Variants in CCDC192 observed in about 807,000 individuals in gnomAD.
CCDC192 encodes the protein coiled-coil domain containing 192, also known as coiled-coil domain-containing protein 192.
At chr5:127,810,778 T>C (rs1230687350) in intron 5 of CCDC192, among the ~76,000 whole-genome samples, 1 of 152,058 alleles carries the variant, frequency 6.6e-6, no homozygotes, top group East Asian at 1.9e-4. Context: ...TAAAATCAAA[T>C]CTGACTCAGG....
At chr5:127,923,446 T>C (rs902790903) in intron 6 of CCDC192, among the ~76,000 whole-genome samples, 16 of 151,628 alleles carry the variant, frequency 1.1e-4, no homozygotes, top group Middle Eastern at 3.2e-3. Context: ...GGTGCCATCT[T>C]GGCTCACTGC....
intron 5 of CCDC192, among the ~76,000 whole-genome samples, chr5:127,817,730 G>T (rs1749089892): frequency 6.6e-6 from 1 of 152,050 alleles, no homozygotes; most frequent in South Asian, 2.1e-4. Context: ...TACTAATATT[G>T]CTGAATTGTA....
At chr5:127,872,217 CT>C (rs1251701361) in intron 5 of CCDC192, among the ~76,000 whole-genome samples, 1 of 152,154 alleles carries the variant, frequency 6.6e-6, no homozygotes, top group African/African-American at 2.4e-5. Flanking sequence ...ATCAAAAGGT[CT>C]CAACAGAAAT....
At chr5:127,732,614 C>A (rs1752705468) in intron 2 of CCDC192, among the ~76,000 whole-genome samples, 1 of 152,134 alleles carries the variant, frequency 6.6e-6, no homozygotes, top group African/African-American at 2.4e-5. Context: ...CAATGATAGA[C>A]TGGATAAAGA....
upstream of CCDC192, chr5:127,703,348 G>C (rs1045798961): frequency 5.0e-5 from 20 of 398,112 alleles, no homozygotes; most frequent in Middle Eastern, 1.2e-3. Flanking sequence ...CTAGCAACAA[G>C]GGACAGCAGA....
At chr5:127,921,804 A>G (rs1296884334) in intron 6 of CCDC192, among the ~76,000 whole-genome samples, 1 of 152,180 alleles carries the variant, frequency 6.6e-6, no homozygotes, top group African/African-American at 2.4e-5. Flanking sequence ...CAGGTAATTC[A>G]TTCCCTGGCT....
chr5:127,933,070 G>A (rs550486970), intron 6 of CCDC192, among the ~76,000 whole-genome samples: 11 of 152,186 alleles, frequency 7.2e-5, no homozygotes, highest in Non-Finnish European at 1.2e-4. Context: ...ATAAGAACAT[G>A]CCAGGCCTGG....
chr5:127,918,726 G>T (rs374745827), intron 6 of CCDC192, among the ~76,000 whole-genome samples: 108 of 152,154 alleles, frequency 7.1e-4, no homozygotes, highest in African/African-American at 2.6e-3. Context: ...ACAGCTTTGC[G>T]TTTGGTTGAA....
At chr5:127,726,223 C>A (rs1404797941) in intron 2 of CCDC192, among the ~76,000 whole-genome samples, 1 of 151,864 alleles carries the variant, frequency 6.6e-6, no homozygotes, top group African/African-American at 2.4e-5. Context: ...TAATAAAATT[C>A]ACAAAATATC....
intron 5 of CCDC192, among the ~76,000 whole-genome samples, chr5:127,818,819 G>C (rs1283279074): frequency 6.6e-6 from 1 of 152,164 alleles, no homozygotes; most frequent in East Asian, 1.9e-4. Flanking sequence ...GAAAGGACTG[G>C]TAAGGAAAAT....
intron 5 of CCDC192, among the ~76,000 whole-genome samples, chr5:127,818,268 C>T (rs1236985121): frequency 6.6e-6 from 1 of 152,114 alleles, no homozygotes; most frequent in Non-Finnish European, 1.5e-5. Context: ...AAAATTTTAA[C>T]ATCAGTCTTA....
At chr5:127,849,289 C>T (rs895168681) in intron 5 of CCDC192, among the ~76,000 whole-genome samples, 1 of 152,034 alleles carries the variant, frequency 6.6e-6, no homozygotes, top group Non-Finnish European at 1.5e-5. Context: ...TAAGCCTAGA[C>T]TGCCTTATTC....
intron 6 of CCDC192, among the ~76,000 whole-genome samples, chr5:127,907,478 A>T (rs1479597665): frequency 6.6e-6 from 1 of 152,074 alleles, no homozygotes; most frequent in African/African-American, 2.4e-5. Context: ...GATATAAAAA[A>T]CTATTCTAAT....
intron 5 of CCDC192, among the ~76,000 whole-genome samples, chr5:127,851,455 CT>C (rs1750793115): frequency 6.6e-6 from 1 of 151,604 alleles, no homozygotes; most frequent in African/African-American, 2.4e-5. Flanking sequence ...TTGGTTATTG[CT>C]GTTGTTGTTT....
intron 2 of CCDC192, among the ~76,000 whole-genome samples, chr5:127,733,404 T>G (rs1412873111): frequency 6.6e-6 from 1 of 152,178 alleles, no homozygotes; most frequent in East Asian, 1.9e-4. Context: ...CCTGGAGTTA[T>G]CATCTCCTCC....
At chr5:127,847,895 C>T (rs918425525) in intron 5 of CCDC192, among the ~76,000 whole-genome samples, 3 of 151,996 alleles carry the variant, frequency 2.0e-5, no homozygotes, top group African/African-American at 7.2e-5. Context: ...CTCCTGGATT[C>T]AAGCGATTCT....
chr5:127,824,007 A>C (rs995771448), intron 5 of CCDC192, among the ~76,000 whole-genome samples: 3 of 152,182 alleles, frequency 2.0e-5, no homozygotes, highest in African/African-American at 7.2e-5. Flanking sequence ...CCTCCACCCA[A>C]TAGCAAGGTT....
At chr5:127,718,431 C>T (rs1751765200) in intron 2 of CCDC192, among the ~76,000 whole-genome samples, 1 of 152,110 alleles carries the variant, frequency 6.6e-6, no homozygotes, top group Non-Finnish European at 1.5e-5. Flanking sequence ...CCATTTGGCT[C>T]CTTCAAATGG....
intron 3 of CCDC192, among the ~76,000 whole-genome samples, chr5:127,767,408 T>G (rs1266246363): frequency 6.6e-6 from 1 of 152,226 alleles, no homozygotes. Flanking sequence ...TTATAGAAAG[T>G]AAAAAATGTG....
Sources: gnomAD v4.1 joint callset for allele counts (sites outside exome capture counted in the v4.1 genomes callset) on GRCh38, gnomAD v4.1.1 for gene constraint, MANE v1.5 for transcripts, NCBI Gene and HGNC (gene_info 2026-07-23, HGNC 2026-07-21) for gene names.